Variants in UNC13B observed in about 807,000 individuals in gnomAD.
UNC13B encodes the protein unc-13 homolog B, also known as protein unc-13 homolog B.
UNC13B carries 144 observed loss-of-function variants against 211.0 expected under a neutral mutation model. That is an observed-to-expected ratio of 0.68 (90% CI 0.60 to 0.78). UNC13B has a LOEUF of 0.78. Among genes scored for constraint, UNC13B ranks in the 30% least tolerant of loss-of-function variants. The pLI, the probability that UNC13B is intolerant of heterozygous loss-of-function variation, is 0.00. For missense variants in UNC13B, 1,777 were observed against 2,002.0 expected (o/e 0.89, Z 2.14); for synonymous variants, 709 against 725.8 (o/e 0.98, Z 0.37).
At chr9:35,201,783 C>G (rs1460625440) in intron 1 of UNC13B, among the ~76,000 whole-genome samples, 1 of 152,116 alleles carries the variant, frequency 6.6e-6, no homozygotes, top group Admixed American at 6.6e-5. Flanking sequence ...TTTCAAAAAA[C>G]CAGCTCCTGG....
At chr9:35,342,718 A>G (rs773850155) in intron 11 of UNC13B, among the ~76,000 whole-genome samples, 10 of 152,214 alleles carry the variant, frequency 6.6e-5, no homozygotes, top group African/African-American at 1.4e-4. Context: ...GTGCATATGT[A>G]TAGACAACTC....
intron 7 of UNC13B, among the ~76,000 whole-genome samples, chr9:35,264,507 T>C (rs929212197): frequency 2.6e-5 from 4 of 152,194 alleles, no homozygotes; most frequent in African/African-American, 4.8e-5. Context: ...TTACTGCTTG[T>C]AGTAAAATGC....
chr9:35,376,621 G>A (rs1348483630), intron 15 of UNC13B, among the ~76,000 whole-genome samples: 1 of 152,184 alleles, frequency 6.6e-6, no homozygotes, highest in African/African-American at 2.4e-5. Context: ...ATAGAGTTTT[G>A]TGGGGTTCCA....
At chr9:35,368,483 A>G (rs1039162724) in intron 12 of UNC13B, among the ~76,000 whole-genome samples, 4 of 152,092 alleles carry the variant, frequency 2.6e-5, no homozygotes, top group African/African-American at 4.8e-5. Context: ...GCTTGATTCC[A>G]TGTCTTTGCT....
chr9:35,302,800 T>C lies in UNC13B; in HGVS notation c.3396T>C (p.Asp1132=), dbSNP rs569755345. 6.6e-4 allele frequency: 263 copies of C among 398,666 alleles called. No individual in the cohort carries two copies. The highest frequency in any genetic ancestry group is 4.7e-3 in the African/African-American group (228 of 48,726). The allele number at this position is 398,666 out of a possible 1,614,324, so 24.7% of individuals were successfully genotyped here. The change falls in exon 9 of 40, where the codon GAT becomes GAC. Residue 1132 remains aspartate (D), a synonymous_variant. Coordinates refer to ENST00000635942, the MANE Select transcript of UNC13B (RefSeq NM_001371189.2). ...KSTLVNEINE[D]EVIDKTSKKN... ...CTTTGGTTAATGAAATTAATGAAGA[T>C]GAGGTTATAGATAAGACTTCCAAGA...
At chr9:35,170,727 C>T (rs1254344726) in intron 1 of UNC13B, among the ~76,000 whole-genome samples, 1 of 152,154 alleles carries the variant, frequency 6.6e-6, no homozygotes, top group Non-Finnish European at 1.5e-5. Flanking sequence ...CTGCCTCAGC[C>T]TCCTAAAATG....
At chr9:35,224,162 A>T (rs1169959471) in intron 1 of UNC13B, among the ~76,000 whole-genome samples, 1 of 151,922 alleles carries the variant, frequency 6.6e-6, no homozygotes, top group Non-Finnish European at 1.5e-5. Context: ...GAATTTTAGG[A>T]TTGTTGTTTC....
At chr9:35,347,283 T>C (rs959664701) in intron 11 of UNC13B, among the ~76,000 whole-genome samples, 13 of 152,222 alleles carry the variant, frequency 8.5e-5, no homozygotes, top group Non-Finnish European at 1.8e-4. Context: ...AATCTTAATG[T>C]ATTAGAGAGC....
At chr9:35,263,567 T>C (rs934763861) in intron 7 of UNC13B, among the ~76,000 whole-genome samples, 3 of 152,168 alleles carry the variant, frequency 2.0e-5, no homozygotes, top group Non-Finnish European at 4.4e-5. Context: ...TTCAAGCTTA[T>C]GTTATTTAAG....
At chr9:35,298,186 A>C (rs1407111707) in intron 8 of UNC13B, among the ~76,000 whole-genome samples, 1 of 152,218 alleles carries the variant, frequency 6.6e-6, no homozygotes, top group Admixed American at 6.5e-5. Context: ...TGGGAGGCCA[A>C]GGCGGGAGGA....
At chr9:35,334,263 G>A (rs1383127481) in intron 11 of UNC13B, among the ~76,000 whole-genome samples, 1 of 152,192 alleles carries the variant, frequency 6.6e-6, no homozygotes, top group East Asian at 1.9e-4. Context: ...ACTGCACCTA[G>A]CCCTGATATT....
intron 6 of UNC13B, among the ~76,000 whole-genome samples, chr9:35,253,314 A>C (rs538770009): frequency 6.6e-6 from 1 of 151,798 alleles, no homozygotes; most frequent in Non-Finnish European, 1.5e-5. Flanking sequence ...GCTAGTTTTT[A>C]ATTTTTTTGT....
chr9:35,198,516 C>T (rs557851950), intron 1 of UNC13B, among the ~76,000 whole-genome samples: 1 of 152,160 alleles, frequency 6.6e-6, no homozygotes, highest in South Asian at 2.1e-4. Flanking sequence ...TATAGCAGTA[C>T]GAGAACAGAC....
intron 7 of UNC13B, among the ~76,000 whole-genome samples, chr9:35,274,212 G>T (rs556494850): frequency 1.3e-5 from 2 of 152,200 alleles, no homozygotes; most frequent in Non-Finnish European, 2.9e-5. Context: ...TTGTGGCCTC[G>T]CACTCTCAAC....
intron 22 of UNC13B, 69 bp from the exon 23 acceptor site, chr9:35,385,655 C>T: frequency 1.3e-6 from 2 of 1,514,400 alleles, no homozygotes; most frequent in Non-Finnish European, 1.8e-6. Flanking sequence ...CTTTTGATAT[C>T]ATCACTTTTG....
At chr9:35,200,319 G>C (rs1036471569) in intron 1 of UNC13B, among the ~76,000 whole-genome samples, 18 of 152,294 alleles carry the variant, frequency 1.2e-4, no homozygotes, top group African/African-American at 4.1e-4. Flanking sequence ...GGCAATGCAG[G>C]CTCTTTTTTG....
chr9:35,352,171 C>T, intron 11 of UNC13B: 1 of 1,232,166 alleles, frequency 8.1e-7, no homozygotes, highest in Non-Finnish European at 1.0e-6. Flanking sequence ...TGGACAGACC[C>T]AGTGAGGAAG....
intron 7 of UNC13B, among the ~76,000 whole-genome samples, chr9:35,273,722 G>A (rs749552402): frequency 2.0e-5 from 3 of 152,096 alleles, no homozygotes; most frequent in Non-Finnish European, 4.4e-5. Flanking sequence ...CAAAAAAAAC[G>A]CTAGGCAGGT....
intron 2 of UNC13B, 108 bp from the exon 3 acceptor site, chr9:35,231,012 T>C: frequency 1.4e-6 from 1 of 694,990 alleles, no homozygotes. Context: ...AATTTTTTCC[T>C]GCACATGTAA....
Sources: allele counts gnomAD v4.1 joint callset (sites outside exome capture counted in the v4.1 genomes callset), GRCh38; gene constraint gnomAD v4.1.1; transcripts MANE v1.5; gene names NCBI Gene and HGNC (gene_info 2026-07-23, HGNC 2026-07-21).